Variants in MRPS35 observed in about 807,000 individuals in gnomAD.
MRPS35 encodes the protein small ribosomal subunit protein mS35.
Under a neutral mutation model 32.7 loss-of-function variants are expected in MRPS35, and 29 were observed. The observed-to-expected ratio is 0.89, with a 90% CI of 0.66 to 1.21. The LOEUF is 1.21. MRPS35 is among the 50% of genes most tolerant of loss of function. MRPS35 has a pLI of 0.00. For missense variants in MRPS35, 373 were observed against 383.8 expected, an observed-to-expected ratio of 0.97 and a Z score of 0.23; for synonymous variants, 148 against 139.3, an observed-to-expected ratio of 1.06 and a Z score of -0.44.
At chr12:27,718,915 C>G (rs1427050249) in intron 3 of MRPS35, among the ~76,000 whole-genome samples, 2 of 151,978 alleles carry the variant, frequency 1.3e-5, no homozygotes, top group East Asian at 3.9e-4. Flanking sequence ...GGTGAAACCC[C>G]GTCTCTACTA....
chr12:27,731,118 C>T (rs1226467098), intron 5 of MRPS35, among the ~76,000 whole-genome samples: 1 of 152,126 alleles, frequency 6.6e-6, no homozygotes. Context: ...TGAGTTTAAC[C>T]ATTGGGAACT....
At chr12:27,740,222 G>A (rs977794075) in intron 7 of MRPS35, among the ~76,000 whole-genome samples, 1 of 150,632 alleles carries the variant, frequency 6.6e-6, no homozygotes, top group African/African-American at 2.4e-5. Flanking sequence ...TTTTTTTATA[G>A]GCTAGCTTCT....
At chr12:27,733,578 G>C (rs967310653) in intron 5 of MRPS35, among the ~76,000 whole-genome samples, 2 of 152,128 alleles carry the variant, frequency 1.3e-5, no homozygotes, top group Middle Eastern at 3.4e-3. Context: ...TTCTCTCCCT[G>C]TTCCCTCTTA....
chr12:27,740,067 C>T (rs545746251), intron 7 of MRPS35, among the ~76,000 whole-genome samples: 8 of 152,180 alleles, frequency 5.3e-5, no homozygotes, highest in South Asian at 4.2e-4. Context: ...ACAGATGAGC[C>T]GTGAAATTTT....
chr12:27,738,438 TA>T (rs2061950913), intron 7 of MRPS35, among the ~76,000 whole-genome samples: 1 of 152,194 alleles, frequency 6.6e-6, no homozygotes, highest in African/African-American at 2.4e-5. Flanking sequence ...AACCTGTATT[TA>T]AATAATATTA....
chr12:27,745,011 A>T (rs950844768), intron 7 of MRPS35, among the ~76,000 whole-genome samples: 1 of 152,156 alleles, frequency 6.6e-6, no homozygotes, highest in Non-Finnish European at 1.5e-5. Flanking sequence ...ACTGGAGTGC[A>T]GTGGCGTGAT....
In MRPS35 at chr12:27,724,573, T is replaced by A. The variant is rs905175102; in HGVS notation, c.522+387T>A. On this transcript the variant is annotated intron_variant, in intron 5 of 7. Coordinates refer to ENST00000081029, the MANE Select transcript of MRPS35 (RefSeq NM_021821.4). Reference sequence around the variant, plus strand: ...GCCTGGCCAACATGGTGAAACCCCGTCTCTACTAAAAATACAAAAATTAGC... The same window carrying A: ...GCCTGGCCAACATGGTGAAACCCCGACTCTACTAAAAATACAAAAATTAGC... Among the ~76,000 whole-genome samples, 3 of 152,064 alleles carry A rather than the reference T, an allele frequency of 2.0e-5. No homozygotes were observed. The East Asian group carries it at 5.8e-4, about 29-fold the overall frequency.
intron 7 of MRPS35, among the ~76,000 whole-genome samples, chr12:27,739,250 CAGTAGGT>C (rs2061954431): frequency 6.6e-6 from 1 of 152,190 alleles, no homozygotes; most frequent in Non-Finnish European, 1.5e-5. Flanking sequence ...TGAGCTACTT[CAGTAGGT>C]AGAAAACATT....
rs1591805735 is a variant in MRPS35 at position 27,756,150 on chromosome 12, A to G, written c.*700A>G. On this transcript the variant is annotated 3_prime_UTR_variant, in exon 8 of 8. Transcript: ENST00000081029. ...TAACGACCTTGAATGTAATTGGAGT[A>G]AGTGACAAAATAAGAACTACCCTGG... is the stretch of plus-strand genomic sequence containing the variant. 5 of 152,366 alleles carry G rather than the reference A, an allele frequency of 3.3e-5. No individual in the cohort carries two copies. The South Asian group carries it at 1.0e-3, about 32-fold the overall frequency. 9.4% of individuals were successfully genotyped at this position (152,366 alleles called of 1,614,324 possible).
intron 1 of MRPS35, among the ~76,000 whole-genome samples, chr12:27,713,108 T>C (rs150964821): frequency 1.3e-5 from 2 of 152,350 alleles, no homozygotes; most frequent in African/African-American, 2.4e-5. Flanking sequence ...CTCTGTTCTG[T>C]TCTTAAATTT....
intron 7 of MRPS35, among the ~76,000 whole-genome samples, chr12:27,754,719 A>G (rs1180853928): frequency 7.1e-6 from 1 of 141,016 alleles, no homozygotes; most frequent in African/African-American, 2.8e-5. Flanking sequence ...GTGAGCTGTG[A>G]TTGTGCCACT....
intron 7 of MRPS35, among the ~76,000 whole-genome samples, chr12:27,741,189 A>ATAT (rs2061963646): frequency 6.6e-6 from 1 of 152,024 alleles, no homozygotes; most frequent in Admixed American, 6.6e-5. Flanking sequence ...AATAATAATA[A>ATAT]TTAAAAAATA....
chr12:27,719,526 C>T (rs1267944593), intron 3 of MRPS35, among the ~76,000 whole-genome samples: 1 of 151,678 alleles, frequency 6.6e-6, no homozygotes. Context: ...ATTAGCCGGG[C>T]GTGGTGGCGG....
At chr12:27,733,038 A>ATCTATCTATC (rs1565468137) in intron 5 of MRPS35, among the ~76,000 whole-genome samples, 2 of 76,124 alleles carry the variant, frequency 2.6e-5, no homozygotes, top group East Asian at 4.4e-4. Flanking sequence ...ATATATATAT[A>ATCTATCTATC]TATCCAGCAC....
chr12:27,754,127 G>A (rs140688999), intron 7 of MRPS35, among the ~76,000 whole-genome samples: 3 of 152,122 alleles, frequency 2.0e-5, no homozygotes, highest in Non-Finnish European at 2.9e-5. Context: ...GGTGGTGGGC[G>A]CCTGTACTTC....
chr12:27,726,118 C>G (rs553804828), intron 5 of MRPS35, among the ~76,000 whole-genome samples: 9 of 151,742 alleles, frequency 5.9e-5, no homozygotes, highest in African/African-American at 2.2e-4. Flanking sequence ...GCCGTTGTTT[C>G]TTTTTAATAA....
chr12:27,733,451 T>G (rs969603604), intron 5 of MRPS35, among the ~76,000 whole-genome samples: 2 of 152,330 alleles, frequency 1.3e-5, no homozygotes, highest in Admixed American at 6.5e-5. Flanking sequence ...TAGAATACTT[T>G]AAGCTTTTGA....
intron 5 of MRPS35, among the ~76,000 whole-genome samples, chr12:27,733,820 A>G (rs2061931780): frequency 6.6e-6 from 1 of 152,230 alleles, no homozygotes; most frequent in African/African-American, 2.4e-5. Context: ...TGTTTTTAAG[A>G]GTGCATTTAT....
intron 7 of MRPS35, among the ~76,000 whole-genome samples, chr12:27,739,498 T>C (rs2061955258): frequency 6.6e-6 from 1 of 152,204 alleles, no homozygotes; most frequent in Non-Finnish European, 1.5e-5. Flanking sequence ...GTGAGATGAG[T>C]AAAAGACAAA....
Sources: allele counts gnomAD v4.1 joint callset (sites outside exome capture counted in the v4.1 genomes callset), GRCh38; gene constraint gnomAD v4.1.1; transcripts MANE v1.5; gene names NCBI Gene and HGNC (gene_info 2026-07-23, HGNC 2026-07-21).